The following NELL1 variants were observed in gnomAD, a reference collection of about 807,000 sequenced individuals.
NELL1 encodes the protein neural EGFL like 1.
In NELL1, 76 loss-of-function variants were observed where a neutral mutation model predicts 107.4. The observed-to-expected ratio is 0.71, with a 90% CI of 0.59 to 0.86. The LOEUF is 0.86. NELL1 is among the 40% of genes least tolerant of loss of function. The pLI is 0.00. For missense variants in NELL1, 1,024 were observed against 1,005.5 expected (o/e 1.02, Z -0.25); for synonymous variants, 353 against 341.2 (o/e 1.03, Z -0.38).
chr11:20,887,640 A>G (rs1849537471), intron 5 of NELL1, among the ~76,000 whole-genome samples: 2 of 152,208 alleles, frequency 1.3e-5, no homozygotes, highest in South Asian at 2.1e-4. Flanking sequence ...TCTCATCTCC[A>G]GATGAGAAAA....
intron 12 of NELL1, among the ~76,000 whole-genome samples, chr11:21,089,908 A>G (rs1854482858): frequency 6.6e-6 from 1 of 152,312 alleles, no homozygotes; most frequent in Admixed American, 6.5e-5. Flanking sequence ...AAGTGCGGGC[A>G]AACGAGGTGC....
At chr11:21,541,883 G>T (rs1405296913) in intron 16 of NELL1, among the ~76,000 whole-genome samples, 1 of 152,016 alleles carries the variant, frequency 6.6e-6, no homozygotes, top group African/African-American at 2.4e-5. Flanking sequence ...CCTGTCACAT[G>T]AAAACAATAA....
intron 2 of NELL1, among the ~76,000 whole-genome samples, chr11:20,713,805 T>C (rs1056746455): frequency 3.3e-5 from 5 of 152,216 alleles, no homozygotes; most frequent in African/African-American, 4.8e-5. Context: ...ATGGCTTCCC[T>C]GGATTTCAGC....
At chr11:21,290,638 A>G (rs1849236078) in intron 14 of NELL1, among the ~76,000 whole-genome samples, 1 of 152,140 alleles carries the variant, frequency 6.6e-6, no homozygotes. Flanking sequence ...CAAAGCTTCC[A>G]GAGGAAGGAA....
chr11:21,489,175 A>T (rs1413424784), intron 15 of NELL1, among the ~76,000 whole-genome samples: 1 of 151,768 alleles, frequency 6.6e-6, no homozygotes, highest in Admixed American at 6.6e-5. Flanking sequence ...ACCCCAAAAC[A>T]TAGAGGAAAT....
intron 11 of NELL1, among the ~76,000 whole-genome samples, chr11:20,952,200 A>C (rs534399545): frequency 6.6e-6 from 1 of 152,138 alleles, no homozygotes; most frequent in Non-Finnish European, 1.5e-5. Flanking sequence ...TTGTATCTTT[A>C]ATGTTGCCAA....
At chr11:20,810,090 A>T (rs1220380589) in intron 3 of NELL1, among the ~76,000 whole-genome samples, 4 of 151,476 alleles carry the variant, frequency 2.6e-5, no homozygotes, top group Non-Finnish European at 5.9e-5. Context: ...TATTTCCCTG[A>T]TGATTAGTGA....
intron 15 of NELL1, among the ~76,000 whole-genome samples, chr11:21,420,296 G>T (rs1025082464): frequency 1.3e-5 from 2 of 151,834 alleles, no homozygotes; most frequent in Non-Finnish European, 2.9e-5. Context: ...AGTTAAACAT[G>T]GTAGATTAAA....
Position 21,168,299 on chromosome 11 carries a change from C to T in NELL1, c.1426+54585C>T, listed in dbSNP as rs115853187. On this transcript the variant is annotated intron_variant, in intron 13 of 19. Coordinates refer to ENST00000357134, the MANE Select transcript of NELL1 (RefSeq NM_006157.5). ...GCATTCCATTCCACCTTTGGGTATC[C>T]GTGACTATTAGAATGCTCTTCCTTT... Among the ~76,000 whole-genome samples, 393 of 151,716 alleles carry T rather than the reference C, an allele frequency of 2.6e-3. 10 individuals carry two copies. Among genetic ancestry groups the T allele is most frequent in the African/African-American group, 8.9e-3 (367 of 41,166 alleles).
rs201051235 is a variant in NELL1 at position 20,687,197 on chromosome 11, A to AT, written c.184+9143dup. Among the ~76,000 whole-genome samples the AT allele has an allele frequency of 5.2e-3, 791 of 150,766 alleles. 9 individuals are homozygous for AT. The highest frequency in any genetic ancestry group is 0.017 in the African/African-American group (716 of 41,064). ...TAATTTTAATAATTCTTTTAGTGAG[A>AT]TTTTTTCTTATTATTTAATTTTTAT... On this transcript the variant is annotated intron_variant, in intron 2 of 19. Transcript: ENST00000357134.
intron 2 of NELL1, among the ~76,000 whole-genome samples, chr11:20,739,192 C>T (rs1014249949): frequency 7.9e-5 from 12 of 152,176 alleles, no homozygotes; most frequent in Non-Finnish European, 1.5e-4. Context: ...GCAGGGAACA[C>T]GGCAACGTTG....
At chr11:21,027,591 T>G (rs1380526779) in intron 12 of NELL1, among the ~76,000 whole-genome samples, 1 of 152,176 alleles carries the variant, frequency 6.6e-6, no homozygotes, top group African/African-American at 2.4e-5. Flanking sequence ...CTCTCAAGGA[T>G]GTTGATGGGA....
chr11:21,461,298 G>A (rs982575680), intron 15 of NELL1, among the ~76,000 whole-genome samples: 1 of 152,060 alleles, frequency 6.6e-6, no homozygotes, highest in African/African-American at 2.4e-5. Flanking sequence ...CCACTTATTA[G>A]TAGTTTCTAC....
At chr11:20,692,487 C>T (rs928734630) in intron 2 of NELL1, among the ~76,000 whole-genome samples, 2 of 151,440 alleles carry the variant, frequency 1.3e-5, no homozygotes, top group African/African-American at 4.9e-5. Context: ...TATGTTGTGT[C>T]TTTGTTCTCG....
intron 14 of NELL1, among the ~76,000 whole-genome samples, chr11:21,287,303 A>AAGT (rs1366648000): frequency 1.3e-5 from 2 of 152,098 alleles, no homozygotes; most frequent in African/African-American, 4.8e-5. Flanking sequence ...CTCTTACTGC[A>AAGT]AGTATAGCTT....
intron 2 of NELL1, among the ~76,000 whole-genome samples, chr11:20,753,436 T>C (rs1428644866): frequency 1.3e-5 from 2 of 149,020 alleles, no homozygotes; most frequent in African/African-American, 2.4e-5. Context: ...ATATTTTTTT[T>C]CCTCATGGCT....
intron 13 of NELL1, among the ~76,000 whole-genome samples, chr11:21,114,541 G>T (rs1343357158): frequency 2.0e-5 from 3 of 151,800 alleles, no homozygotes; most frequent in Non-Finnish European, 4.4e-5. Context: ...ATATAATACC[G>T]CTATTTTTAA....
intron 2 of NELL1, among the ~76,000 whole-genome samples, chr11:20,725,328 G>C (rs150416534): frequency 6.6e-6 from 1 of 152,318 alleles, no homozygotes; most frequent in East Asian, 1.9e-4. Context: ...TGAGTTCTGA[G>C]ATATTTCCTG....
chr11:21,446,948 C>G (rs1375660756), intron 15 of NELL1, among the ~76,000 whole-genome samples: 2 of 152,208 alleles, frequency 1.3e-5, no homozygotes, highest in Non-Finnish European at 2.9e-5. Flanking sequence ...CTACTTGTTG[C>G]TCTATTCTAC....
Sources: gnomAD v4.1 joint callset for allele counts (sites outside exome capture counted in the v4.1 genomes callset) on GRCh38, gnomAD v4.1.1 for gene constraint, MANE v1.5 for transcripts, NCBI Gene and HGNC (gene_info 2026-07-23, HGNC 2026-07-21) for gene names.